Variants in PDE4D observed in about 807,000 individuals in gnomAD.
PDE4D encodes phosphodiesterase 4D, also known as 3',5'-cyclic-AMP phosphodiesterase 4D.
A neutral mutation model predicts 87.4 loss-of-function variants in PDE4D; 24 were observed. The observed-to-expected ratio is 0.27, with a 90% confidence interval of 0.20 to 0.39. The LOEUF (loss-of-function observed/expected upper bound fraction) is 0.39. Ranked by LOEUF, PDE4D falls within the 10% of genes least tolerant of loss-of-function variation. The pLI, the probability that PDE4D is intolerant of heterozygous loss-of-function variation, is 1.00. For synonymous variants in PDE4D, 384 were observed against 383.2 expected (o/e 1.00, Z -0.02); for missense variants, 714 against 1,041.0 (o/e 0.69, Z 4.32).
At chr5:59,596,066 A>C (rs912430444) in intron 1 of PDE4D, among the ~76,000 whole-genome samples, 1 of 151,588 alleles carries the variant, frequency 6.6e-6, no homozygotes, top group East Asian at 1.9e-4. Flanking sequence ...AAGCTGGAAG[A>C]GGCTGCATCA....
intron 1 of PDE4D, among the ~76,000 whole-genome samples, chr5:59,373,787 A>G (rs557446356): frequency 1.1e-4 from 17 of 152,126 alleles, no homozygotes; most frequent in Non-Finnish European, 1.9e-4. Context: ...CTAGAAAGGT[A>G]AGGTCACCTA....
chr5:59,013,194 G>C (rs1580287936), intron 6 of PDE4D, among the ~76,000 whole-genome samples: 1 of 152,178 alleles, frequency 6.6e-6, no homozygotes, highest in East Asian at 1.9e-4. Flanking sequence ...ACAAGAGAAA[G>C]CAGGAAAGAT....
At chr5:59,914,912 T>TGTGTAC (rs58774912) in intron 3 of PDE4D, among the ~76,000 whole-genome samples, 1 of 134,524 alleles carries the variant, frequency 7.4e-6, no homozygotes, top group South Asian at 2.4e-4. Context: ...TGTGTGTGTG[T>TGTGTAC]ATGTGTGTAA....
chr5:59,614,828 C>T (rs914352881), intron 1 of PDE4D, among the ~76,000 whole-genome samples: 1 of 151,074 alleles, frequency 6.6e-6, no homozygotes, highest in Non-Finnish European at 1.5e-5. Flanking sequence ...CAAAATGTGG[C>T]TTTCATTTTT....
chr5:59,400,522 G>A (rs983678683), intron 1 of PDE4D, among the ~76,000 whole-genome samples: 116 of 135,934 alleles, frequency 8.5e-4, no homozygotes, highest in African/African-American at 3.0e-3. Flanking sequence ...TCATAGGTGG[G>A]AATTGAACAA....
intron 1 of PDE4D, chr5:59,430,181 AAACT>A: frequency 1.0e-6 from 1 of 997,618 alleles, no homozygotes; most frequent in Non-Finnish European, 1.3e-6. Flanking sequence ...TGTTGAATAA[AAACT>A]AACTTCTCAC....
intron 1 of PDE4D, among the ~76,000 whole-genome samples, chr5:59,645,628 A>G (rs1184657516): frequency 6.6e-6 from 1 of 152,176 alleles, no homozygotes; most frequent in Non-Finnish European, 1.5e-5. Flanking sequence ...TGCTGGTAAC[A>G]TGAAAGTGCA....
chr5:59,174,083 A>G (rs1783441207), intron 5 of PDE4D, among the ~76,000 whole-genome samples: 1 of 152,244 alleles, frequency 6.6e-6, no homozygotes, highest in South Asian at 2.1e-4. Flanking sequence ...ATTAGCCCAG[A>G]TAACAAAAAA....
chr5:59,091,209 C>T (rs1254643025), intron 5 of PDE4D: 1 of 438,152 alleles, frequency 2.3e-6, no homozygotes, highest in African/African-American at 2.0e-5. Flanking sequence ...CCTTCTCAAC[C>T]ACTTTGTCAA....
At chr5:59,930,163 C>CAA (rs35465849) in intron 3 of PDE4D, among the ~76,000 whole-genome samples, 5,779 of 81,274 alleles carry the variant, frequency 0.071, 283 homozygotes, top group African/African-American at 0.23. Context: ...ACTCCGTCTC[C>CAA]AAAAAAAAAA....
intron 1 of PDE4D, among the ~76,000 whole-genome samples, chr5:59,256,378 G>A (rs946588266): frequency 2.6e-5 from 4 of 152,028 alleles, no homozygotes; most frequent in Non-Finnish European, 4.4e-5. Flanking sequence ...GCATGAATTT[G>A]TTTGAATTCA....
At chr5:60,263,832 C>T (rs1749897259) in intron 1 of PDE4D, among the ~76,000 whole-genome samples, 1 of 152,056 alleles carries the variant, frequency 6.6e-6, no homozygotes, top group Non-Finnish European at 1.5e-5. Context: ...GAAAATTCCT[C>T]AAAGTCCTTG....
chr5:60,390,604 T>G (rs955947272), intron 1 of PDE4D, among the ~76,000 whole-genome samples: 5 of 151,666 alleles, frequency 3.3e-5, no homozygotes, highest in African/African-American at 7.3e-5. Flanking sequence ...AGGCTGCCCT[T>G]TGGAAATGGT....
rs569075828 is a variant in PDE4D at position 59,117,601 on chromosome 5, T to A, written c.808+62994A>T. Among the ~76,000 whole-genome samples the A allele has an allele frequency of 7.2e-4, 109 of 152,316 alleles. 2 individuals carry two copies. The highest frequency in any genetic ancestry group is 2.5e-3 in the African/African-American group (104 of 41,590). ...CTCAACTCTCTCTTCTTCTTTGTAG[T>A]ACTTATATGACTTTTTGGTTCTATT... On this transcript the variant is annotated intron_variant, in intron 5 of 14. Coordinates refer to ENST00000340635, the MANE Select transcript of PDE4D (RefSeq NM_001104631.2).
intron 1 of PDE4D, among the ~76,000 whole-genome samples, chr5:59,543,916 T>C (rs1281127232): frequency 1.3e-5 from 2 of 152,158 alleles, no homozygotes; most frequent in African/African-American, 2.4e-5. Context: ...GAGTATAGAA[T>C]ATACAGACAT....
At chr5:60,371,650 A>G (rs1166814159) in intron 1 of PDE4D, among the ~76,000 whole-genome samples, 3 of 152,216 alleles carry the variant, frequency 2.0e-5, no homozygotes, top group African/African-American at 7.2e-5. Context: ...GCAGGACCCT[A>G]GAAGCCCACT....
intron 1 of PDE4D, chr5:60,431,143 C>T (rs1443439335): frequency 2.9e-5 from 6 of 207,472 alleles, no homozygotes; most frequent in East Asian, 1.8e-4. Flanking sequence ...CCCTCCCTCC[C>T]GGATGGGGTG....
Position 60,273,068 on chromosome 5 carries a change from T to G in PDE4D, c.-89-87381A>C, listed in dbSNP as rs75558540. On this transcript the variant is annotated intron_variant, in intron 1 of 16. Transcript: ENST00000502484. ...ACTATAATAGAGACATCAGGCTTGA[T>G]GCTAAGGGCAGAGTGAAGAAGATAA... 2.0e-5 allele frequency among the ~76,000 whole-genome samples: 3 copies of G among 152,256 alleles called. No homozygotes were observed. The East Asian group carries it at 5.8e-4, about 29-fold the overall frequency.
At chr5:59,504,939 T>TGTGTGTGTGC (rs1170300694) in intron 1 of PDE4D, among the ~76,000 whole-genome samples, 12 of 134,678 alleles carry the variant, frequency 8.9e-5, no homozygotes, top group Admixed American at 2.2e-4. Flanking sequence ...TGTGTGTGTG[T>TGTGTGTGTGC]GCGTGCGCGT....
Sources: gnomAD v4.1 joint callset for allele counts (sites outside exome capture counted in the v4.1 genomes callset) on GRCh38, gnomAD v4.1.1 for gene constraint, MANE v1.5 for transcripts, NCBI Gene and HGNC (gene_info 2026-07-23, HGNC 2026-07-21) for gene names.